ANKRD30B: variants seen among roughly 807,000 people sequenced by gnomAD.
ANKRD30B encodes the protein ankyrin repeat domain-containing protein 30B.
ANKRD30B carries 144 observed loss-of-function variants against 202.2 expected under a neutral mutation model. The ratio of observed to expected loss-of-function variants is 0.71; its 90% CI spans 0.62 to 0.82. The LOEUF is 0.82. Among genes scored for constraint, ANKRD30B ranks in the 40% least tolerant of loss-of-function variants. The probability of loss-of-function intolerance (pLI) is 0.00; values close to 1 mark genes in which losing one functional copy is unlikely to be tolerated. For missense variants in ANKRD30B, 1,487 were observed against 1,669.1 expected, an observed-to-expected ratio of 0.89 and a Z score of 1.90; for synonymous variants, 508 against 561.3, an observed-to-expected ratio of 0.91 and a Z score of 1.34.
At chr18:14,777,047 T>A (rs1020432118) in intron 9 of ANKRD30B, among the ~76,000 whole-genome samples, 3 of 152,206 alleles carry the variant, frequency 2.0e-5, no homozygotes, top group African/African-American at 7.2e-5. Flanking sequence ...AAATGCCCTA[T>A]TATTTTTGGT....
intron 24 of ANKRD30B, chr18:14,808,339 GT>G (rs1969663467): frequency 1.7e-6 from 1 of 584,970 alleles, no homozygotes; most frequent in African/African-American, 1.9e-5. Flanking sequence ...TTCATAGCAC[GT>G]TTGATGAAAT....
chr18:14,842,002 T>A (rs1971437894), intron 37 of ANKRD30B, among the ~76,000 whole-genome samples: 1 of 152,196 alleles, frequency 6.6e-6, no homozygotes, highest in South Asian at 2.1e-4. Context: ...AAATTGTTGT[T>A]CTATAAAAAT....
At chr18:14,926,923 TTGTGTG>T in the ANKRD30B span, among the ~76,000 whole-genome samples, 36 of 147,770 alleles carry the variant, frequency 2.4e-4, no homozygotes, top group African/African-American at 8.1e-4. Context: ...TGAGCAAGGG[TTGTGTG>T]TGTGTGTGTG....
intron 4 of ANKRD30B, among the ~76,000 whole-genome samples, chr18:14,757,519 T>C (rs1389688052): frequency 6.6e-6 from 1 of 152,238 alleles, no homozygotes; most frequent in East Asian, 1.9e-4. Flanking sequence ...TATATCAGAC[T>C]AAGCAAGAAA....
chr18:14,764,393 A>AT (rs751427025), intron 7 of ANKRD30B, among the ~76,000 whole-genome samples: 3 of 151,672 alleles, frequency 2.0e-5, no homozygotes, highest in Non-Finnish European at 4.4e-5. Context: ...ATTTTATTTT[A>AT]TTTATTTAGT....
At chr18:14,918,612 C>T in the ANKRD30B span, among the ~76,000 whole-genome samples, 4 of 152,046 alleles carry the variant, frequency 2.6e-5, no homozygotes, top group African/African-American at 7.3e-5. Context: ...ACAATGAAGG[C>T]ACCCAGGGAA....
At chr18:14,778,637 A>G (rs1463079562) in intron 10 of ANKRD30B, among the ~76,000 whole-genome samples, 3 of 152,232 alleles carry the variant, frequency 2.0e-5, no homozygotes, top group Non-Finnish European at 2.9e-5. Flanking sequence ...ATAATTTGTC[A>G]TATACACTCG....
At chr18:14,921,816 A>G in the ANKRD30B span, among the ~76,000 whole-genome samples, 83,585 of 151,912 alleles carry the variant, frequency 0.55, 23,693 homozygotes, top group African/African-American at 0.69. Context: ...ACGTGGCCTT[A>G]GGCAATTGGC....
chr18:14,925,551 A>G, the ANKRD30B span, among the ~76,000 whole-genome samples: 1 of 152,286 alleles, frequency 6.6e-6, no homozygotes, highest in East Asian at 1.9e-4. Flanking sequence ...GGAAAGTGTT[A>G]TTTTGCCAGA....
At chr18:14,890,858 T>C in the ANKRD30B span, among the ~76,000 whole-genome samples, 4 of 152,070 alleles carry the variant, frequency 2.6e-5, no homozygotes, top group East Asian at 7.7e-4. Context: ...TTCATAACTT[T>C]ATACCTTTGT....
the ANKRD30B span, among the ~76,000 whole-genome samples, chr18:14,935,129 T>TAG: frequency 3.9e-5 from 6 of 152,164 alleles, no homozygotes; most frequent in African/African-American, 1.4e-4. Flanking sequence ...AGCATGCTAG[T>TAG]CTCATGAATC....
chr18:14,793,842 C>T (rs1024741208), intron 16 of ANKRD30B, among the ~76,000 whole-genome samples: 2 of 151,388 alleles, frequency 1.3e-5, no homozygotes, highest in East Asian at 1.9e-4. Flanking sequence ...TGTATTCTGC[C>T]GAGATCTCAA....
chr18:14,849,806 T>A (rs1971807370), intron 40 of ANKRD30B, among the ~76,000 whole-genome samples: 1 of 151,718 alleles, frequency 6.6e-6, no homozygotes, highest in Non-Finnish European at 1.5e-5. Context: ...TTATGTCTAA[T>A]AAATCTGTAA....
chr18:14,860,337 C>T, the ANKRD30B span, among the ~76,000 whole-genome samples: 1 of 124,488 alleles, frequency 8.0e-6, no homozygotes. Context: ...GCGCTCCTCA[C>T]TTCCCAGACA....
At chr18:14,808,620 A>G (rs1969706795) in intron 25 of ANKRD30B, 41 bp downstream of exon 25, 1 of 1,571,910 alleles carries the variant, frequency 6.4e-7, no homozygotes, top group Non-Finnish European at 8.7e-7. Context: ...TTAACTACAT[A>G]TTTTTGAAGT....
At chr18:14,798,346 A>C (rs1208875621) in intron 20 of ANKRD30B, among the ~76,000 whole-genome samples, 1 of 152,170 alleles carries the variant, frequency 6.6e-6, no homozygotes, top group Non-Finnish European at 1.5e-5. Flanking sequence ...ATCTGTATGC[A>C]GAAATACAGT....
chr18:14,910,463 CAT>C, the ANKRD30B span, among the ~76,000 whole-genome samples: 1 of 149,820 alleles, frequency 6.7e-6, no homozygotes, highest in African/African-American at 2.5e-5. Flanking sequence ...ATGTGTGATA[CAT>C]ATATATACAC....
intron 6 of ANKRD30B, among the ~76,000 whole-genome samples, chr18:14,763,417 T>C (rs1025909587): frequency 6.6e-6 from 1 of 152,050 alleles, no homozygotes; most frequent in African/African-American, 2.4e-5. Context: ...TGATGTGGCC[T>C]GTGCCTGTAA....
intron 5 of ANKRD30B, among the ~76,000 whole-genome samples, chr18:14,759,494 T>C (rs1249319653): frequency 6.6e-6 from 1 of 152,138 alleles, no homozygotes; most frequent in Non-Finnish European, 1.5e-5. Context: ...AATGAGAAAA[T>C]ACCAACTTGC....
Sources: gnomAD v4.1 joint callset for allele counts (sites outside exome capture counted in the v4.1 genomes callset) on GRCh38, gnomAD v4.1.1 for gene constraint, MANE v1.5 for transcripts, NCBI Gene and HGNC (gene_info 2026-07-23, HGNC 2026-07-21) for gene names.